CPVL: variants seen among roughly 807,000 people sequenced by gnomAD.
The protein encoded by CPVL is carboxypeptidase vitellogenic like, also known as probable serine carboxypeptidase CPVL.
Under a neutral mutation model 63.7 loss-of-function variants are expected in CPVL, and 51 were observed. The ratio of observed to expected loss-of-function variants is 0.80; its 90% CI spans 0.64 to 1.01. The LOEUF (loss-of-function observed/expected upper bound fraction) is 1.01. Among genes scored for constraint, CPVL ranks in the 50% least tolerant of loss-of-function variants. The pLI is 0.00. For synonymous variants in CPVL, 195 were observed against 206.0 expected, an observed-to-expected ratio of 0.95 and a Z score of 0.46; for missense variants, 530 against 573.1, an observed-to-expected ratio of 0.92 and a Z score of 0.77.
At chr7:29,158,312 T>C (rs1019378546) in intron 5 of CPVL, among the ~76,000 whole-genome samples, 3 of 152,228 alleles carry the variant, frequency 2.0e-5, no homozygotes, top group African/African-American at 7.2e-5. Context: ...TCCACCATCC[T>C]ATAATAGAGC....
intron 1 of CPVL, among the ~76,000 whole-genome samples, chr7:29,142,722 C>T (rs1410286913): frequency 6.6e-6 from 1 of 151,902 alleles, no homozygotes; most frequent in Non-Finnish European, 1.5e-5. Context: ...CACAGGGTTT[C>T]ACCATGTTGG....
At chr7:29,116,665 A>T (rs1788804249) in intron 2 of CPVL, among the ~76,000 whole-genome samples, 1 of 152,228 alleles carries the variant, frequency 6.6e-6, no homozygotes, top group Non-Finnish European at 1.5e-5. Context: ...TTATCAGATC[A>T]TAAGTAACAA....
chr7:29,161,079 C>G lies in CPVL; in HGVS notation c.-11+20211G>C, dbSNP rs182629040. Among the ~76,000 whole-genome samples the G allele has an allele frequency of 4.6e-5, 7 of 152,266 alleles. No homozygotes were observed. The East Asian group carries it at 1.4e-3, about 29-fold the overall frequency. ...TGTATAATACCTAGAAGCTACCTGACTTCTTACCAGATATTATCTTAAACC... is the reference window on the plus strand; with the variant it reads ...TGTATAATACCTAGAAGCTACCTGAGTTCTTACCAGATATTATCTTAAACC... On this transcript the variant is annotated intron_variant, in intron 5 of 16. Transcript: ENST00000409850.
chr7:29,080,953 G>C (rs527558224), intron 7 of CPVL, among the ~76,000 whole-genome samples: 7 of 152,324 alleles, frequency 4.6e-5, no homozygotes, highest in Non-Finnish European at 7.3e-5. Context: ...GAGATGTTCT[G>C]TTTTAACCAC....
chr7:29,142,014 T>C (rs1353723900), intron 1 of CPVL, among the ~76,000 whole-genome samples: 1 of 152,228 alleles, frequency 6.6e-6, no homozygotes, highest in Non-Finnish European at 1.5e-5. Context: ...AAAAGCGTTG[T>C]ATGCTCTAAA....
intron 11 of CPVL, among the ~76,000 whole-genome samples, chr7:29,056,171 C>T (rs570530766): frequency 6.6e-6 from 1 of 152,194 alleles, no homozygotes; most frequent in Non-Finnish European, 1.5e-5. Flanking sequence ...GTTACACTAA[C>T]AAAGCTACAC....
intron 12 of CPVL, among the ~76,000 whole-genome samples, chr7:29,024,933 GAA>G (rs1562728424): frequency 6.6e-6 from 1 of 152,066 alleles, no homozygotes; most frequent in African/African-American, 2.4e-5. Context: ...ATGAGAAAGA[GAA>G]AAGATTCAAA....
chr7:29,102,613 T>C (rs1482344697), intron 3 of CPVL, among the ~76,000 whole-genome samples: 2 of 152,138 alleles, frequency 1.3e-5, no homozygotes, highest in African/African-American at 4.8e-5. Context: ...GAATCCTAAA[T>C]ACTTAAGTGA....
chr7:29,188,529 T>C (rs1207845628), intron 1 of CPVL, among the ~76,000 whole-genome samples: 2 of 152,140 alleles, frequency 1.3e-5, no homozygotes, highest in African/African-American at 2.4e-5. Flanking sequence ...TCTCCTTTTT[T>C]TATTTTTTTT....
chr7:29,112,602 G>C, intron 3 of CPVL, 102 bp downstream of exon 3: 1 of 716,194 alleles, frequency 1.4e-6, no homozygotes. Flanking sequence ...AAAAATCTAT[G>C]AGATTTTTTT....
intron 2 of CPVL, among the ~76,000 whole-genome samples, chr7:29,117,813 A>G (rs978024992): frequency 2.0e-5 from 3 of 152,218 alleles, no homozygotes; most frequent in East Asian, 3.8e-4. Context: ...GTTGGTACCC[A>G]AATTTAAATT....
chr7:29,066,699 G>A (rs1368397631), intron 9 of CPVL, among the ~76,000 whole-genome samples: 3 of 152,214 alleles, frequency 2.0e-5, no homozygotes, highest in African/African-American at 7.2e-5. Flanking sequence ...ATGACATGGA[G>A]AGAAGACGCA....
intron 3 of CPVL, among the ~76,000 whole-genome samples, chr7:29,105,027 G>T (rs956835656): frequency 4.6e-5 from 7 of 152,072 alleles, no homozygotes; most frequent in African/African-American, 1.7e-4. Context: ...CATTAAGTAC[G>T]TAGCAAAGAG....
At chr7:29,076,494 G>A (rs1784261854) in intron 7 of CPVL, among the ~76,000 whole-genome samples, 1 of 152,186 alleles carries the variant, frequency 6.6e-6, no homozygotes, top group Non-Finnish European at 1.5e-5. Context: ...TTAGGATTTG[G>A]CAGTGACCTT....
intron 5 of CPVL, among the ~76,000 whole-genome samples, chr7:29,157,909 CATTTTACTCTTCCTTATGAAAA>C (rs760950612): frequency 2.3e-4 from 35 of 152,282 alleles, no homozygotes; most frequent in Admixed American, 4.6e-4. Context: ...GCAGTCCTTT[CATTTTACTCTTCCTTATGAAAA>C]TACTGTTTCT....
upstream of CPVL, among the ~76,000 whole-genome samples, chr7:29,148,878 G>A (rs956603348): frequency 6.6e-6 from 1 of 152,102 alleles, no homozygotes; most frequent in African/African-American, 2.4e-5. Context: ...AGAGGACAGG[G>A]ACCAAATGAC....
intron 12 of CPVL, among the ~76,000 whole-genome samples, chr7:29,026,492 G>A (rs1410694323): frequency 6.6e-6 from 1 of 151,608 alleles, no homozygotes; most frequent in Non-Finnish European, 1.5e-5. Context: ...AACAATCAGA[G>A]CAGAACTAAA....
intron 12 of CPVL, among the ~76,000 whole-genome samples, chr7:29,003,515 A>G (rs1269963377): frequency 6.6e-6 from 1 of 152,228 alleles, no homozygotes; most frequent in Non-Finnish European, 1.5e-5. Context: ...TAATGGAAAC[A>G]TGAAAATGCA....
chr7:29,136,801 T>C (rs761158092), intron 1 of CPVL, among the ~76,000 whole-genome samples: 17 of 152,340 alleles, frequency 1.1e-4, no homozygotes, highest in Non-Finnish European at 1.9e-4. Context: ...TTGTCCTTAC[T>C]TCCCTATTTT....
Sources: gnomAD v4.1 joint callset for allele counts (sites outside exome capture counted in the v4.1 genomes callset) on GRCh38, gnomAD v4.1.1 for gene constraint, MANE v1.5 for transcripts, NCBI Gene and HGNC (gene_info 2026-07-23, HGNC 2026-07-21) for gene names.